The following CDK12 variants were observed in gnomAD, a reference collection of about 807,000 sequenced individuals.
CDK12 encodes the protein cyclin dependent kinase 12.
CDK12 carries 17 observed loss-of-function variants against 133.8 expected under a neutral mutation model. The observed-to-expected ratio is 0.13, with a 90% CI of 0.09 to 0.19. The LOEUF is 0.19. CDK12 is among the 10% of genes least tolerant of loss of function. The probability of loss-of-function intolerance (pLI) is 1.00; values close to 1 mark genes in which losing one functional copy is unlikely to be tolerated. For missense variants in CDK12, 1,508 were observed against 1,818.7 expected (o/e 0.83, Z 3.11); for synonymous variants, 694 against 683.6 (o/e 1.02, Z -0.24).
chr17:39,502,863 C>A (rs545040321), intron 6 of CDK12, among the ~76,000 whole-genome samples: 1 of 152,132 alleles, frequency 6.6e-6, no homozygotes, highest in South Asian at 2.1e-4. Flanking sequence ...GTCAGTATTT[C>A]TAGAGCAAGA....
chr17:39,549,574 G>C (rs1342153688), upstream of CDK12: 1 of 152,266 alleles, frequency 6.6e-6, no homozygotes, highest in African/African-American at 2.4e-5. Flanking sequence ...GGCACAGCCA[G>C]GCTTGGGAGC....
intron 2 of CDK12, among the ~76,000 whole-genome samples, chr17:39,481,627 T>TCG (rs375327281): frequency 9.5e-6 from 1 of 105,126 alleles, no homozygotes; most frequent in African/African-American, 4.3e-5. Context: ...GCTTGCTCGC[T>TCG]CGCGCGCTCT....
intron 2 of CDK12, among the ~76,000 whole-genome samples, chr17:39,551,366 T>C (rs2055948181): frequency 6.6e-6 from 1 of 152,080 alleles, no homozygotes; most frequent in Non-Finnish European, 1.5e-5. Context: ...ACAAATCCCC[T>C]ACAGCCCCTG....
Position 39,463,042 on chromosome 17 carries a change from C to T in CDK12, c.971C>T (p.Pro324Leu), listed in dbSNP as rs1309507233. Residue 324 changes from proline (P) to leucine (L), a missense_variant, in exon 1 of 14, where the codon CCC (proline) becomes CTC (leucine). Pro to Leu is a moderately conservative substitution (Grantham distance 98). Around this residue, in one of 9 missense-constraint regions of CDK12, gnomAD observed 460 missense variants for 490.8 expected, o/e 0.94. Coordinates refer to ENST00000447079, the MANE Select transcript of CDK12 (RefSeq NM_016507.4). ...ERSGSYSGRS[P>L]SPYGRRRSSS... ...AGTGGCTCTTACAGCGGGCGATCGCCCAGTCCCTATGGTCGAAGGCGGTCC... is the reference window on the plus strand; with the variant it reads ...AGTGGCTCTTACAGCGGGCGATCGCTCAGTCCCTATGGTCGAAGGCGGTCC... The T allele has an allele frequency of 1.9e-6, 3 of 1,614,176 alleles. No homozygotes were observed. Among genetic ancestry groups the T allele is most frequent in the Admixed American group, 3.3e-5 (2 of 60,014 alleles).
chr17:39,564,228 C>T (rs1004218738), intron 3 of CDK12, among the ~76,000 whole-genome samples: 3 of 152,128 alleles, frequency 2.0e-5, no homozygotes, highest in East Asian at 1.9e-4. Context: ...TGTGGCACTA[C>T]CCCCCAACCT....
intron 7 of CDK12, among the ~76,000 whole-genome samples, chr17:39,510,771 G>C (rs964300049): frequency 2.0e-5 from 3 of 151,492 alleles, no homozygotes; most frequent in Non-Finnish European, 4.4e-5. Flanking sequence ...GTGCTGCCAT[G>C]CCCGGCTAAT....
intron 5 of CDK12, among the ~76,000 whole-genome samples, chr17:39,497,985 TTC>T (rs887882866): frequency 2.0e-5 from 3 of 148,646 alleles, no homozygotes; most frequent in Non-Finnish European, 4.4e-5. Context: ...CCCTCTCTCT[TTC>T]TCTCTCTCTT....
At chr17:39,491,696 T>C (rs930695463) in intron 3 of CDK12, among the ~76,000 whole-genome samples, 1 of 151,324 alleles carries the variant, frequency 6.6e-6, no homozygotes, top group African/African-American at 2.4e-5. Context: ...AGAGACTGTT[T>C]ATGTATTTTT....
chr17:39,462,120 G>C lies in CDK12; in HGVS notation c.49G>C (p.Ala17Pro). The change falls in exon 1 of 14, where the codon GCT (alanine) becomes CCT (proline). Residue 17 changes from alanine (A) to proline (P), a missense_variant. Physicochemically the swap from Ala to Pro is conservative, Grantham distance 27 (BLOSUM62 -1). Coordinates refer to ENST00000447079, the MANE Select transcript of CDK12 (RefSeq NM_016507.4). ...GGGCAAGAAGGACGGGAGTGGAGGAGCTTCTGGAACTTTGCAGCCGTCATC... is the reference window on the plus strand; with the variant it reads ...GGGCAAGAAGGACGGGAGTGGAGGACCTTCTGGAACTTTGCAGCCGTCATC... ...HGGKKDGSGG[A>P]SGTLQPSSGG... is the part of the protein sequence containing the mutation. The C allele has an allele frequency of 6.2e-7, 1 of 1,614,194 alleles. No individual in the cohort carries two copies.
intron 3 of CDK12, among the ~76,000 whole-genome samples, chr17:39,492,343 G>A (rs1312877010): frequency 6.6e-6 from 1 of 150,512 alleles, no homozygotes; most frequent in East Asian, 2.0e-4. Context: ...TGATCCACCT[G>A]CCTCGGCCTC....
intron 1 of CDK12, among the ~76,000 whole-genome samples, chr17:39,464,835 C>T (rs570794135): frequency 3.6e-4 from 55 of 151,444 alleles, no homozygotes; most frequent in African/African-American, 1.1e-3. Flanking sequence ...ATCTGTAGTC[C>T]CCACTGCCTG....
At chr17:39,503,785 G>A (rs1011492848) in intron 6 of CDK12, among the ~76,000 whole-genome samples, 1 of 150,376 alleles carries the variant, frequency 6.6e-6, no homozygotes, top group African/African-American at 2.4e-5. Context: ...GAGATGGCCT[G>A]GAGAAAATGG....
At chr17:39,498,839 T>G (rs2052346697) in intron 5 of CDK12, among the ~76,000 whole-genome samples, 1 of 151,766 alleles carries the variant, frequency 6.6e-6, no homozygotes, top group African/African-American at 2.4e-5. Flanking sequence ...ATTTGTTGAT[T>G]CATTTTTCTC....
chr17:39,481,185 G>A (rs551226988), intron 2 of CDK12, among the ~76,000 whole-genome samples: 8 of 151,536 alleles, frequency 5.3e-5, no homozygotes, highest in African/African-American at 7.3e-5. Context: ...CTCGGGGGGC[G>A]GAGGTTGCGG....
chr17:39,500,689 A>G (rs2052653991), intron 5 of CDK12, among the ~76,000 whole-genome samples: 1 of 152,010 alleles, frequency 6.6e-6, no homozygotes, highest in Non-Finnish European at 1.5e-5. Context: ...TGAAGAGGTG[A>G]GTAGTCCATA....
At chr17:39,493,014 T>C in intron 4 of CDK12, 124 bp downstream of exon 4, 1 of 848,814 alleles carries the variant, frequency 1.2e-6, no homozygotes, top group Non-Finnish European at 1.8e-6. Context: ...TGTTTGTTTT[T>C]TGAGATGGAG....
intron 5 of CDK12, among the ~76,000 whole-genome samples, chr17:39,501,037 CAGA>C (rs948452117): frequency 1.3e-5 from 2 of 152,038 alleles, no homozygotes; most frequent in African/African-American, 2.4e-5. Context: ...CGCCCAGCCA[CAGA>C]AGATTAATTC....
At chr17:39,514,144 C>T (rs557159514) in intron 8 of CDK12, among the ~76,000 whole-genome samples, 5 of 152,218 alleles carry the variant, frequency 3.3e-5, no homozygotes, top group African/African-American at 1.2e-4. Flanking sequence ...AATCTTCCCA[C>T]CTCGGCCTCA....
chr17:39,544,381 A>G (rs990729359), upstream of CDK12: 8 of 477,520 alleles, frequency 1.7e-5, no homozygotes, highest in Non-Finnish European at 2.9e-5. Context: ...AAAGCCAATC[A>G]GAGGTCACTG....
Sources: gnomAD v4.1 joint callset for allele counts (sites outside exome capture counted in the v4.1 genomes callset) on GRCh38, gnomAD v4.1.1 for gene constraint, gnomAD v4.1.1 regional missense constraint, MANE v1.5 for transcripts, NCBI Gene and HGNC (gene_info 2026-07-23, HGNC 2026-07-21) for gene names.